The following PIK3C2G variants were observed in gnomAD, a reference collection of about 807,000 sequenced individuals.
The protein encoded by PIK3C2G is phosphatidylinositol-4-phosphate 3-kinase catalytic subunit type 2 gamma.
PIK3C2G carries 168 observed loss-of-function variants against 181.1 expected under a neutral mutation model. That is an observed-to-expected ratio of 0.93 (90% confidence interval 0.82 to 1.05). PIK3C2G has a LOEUF of 1.05. Ranked by LOEUF, PIK3C2G falls within the 50% of genes least tolerant of loss-of-function variation. The pLI, the probability that PIK3C2G is intolerant of heterozygous loss-of-function variation, is 0.00. For missense variants in PIK3C2G, 1,869 were observed against 1,732.8 expected (o/e 1.08, Z -1.40); for synonymous variants, 573 against 592.2 (o/e 0.97, Z 0.47).
At chr12:18,603,717 C>A (rs1947855401) in intron 30 of PIK3C2G, among the ~76,000 whole-genome samples, 1 of 152,022 alleles carries the variant, frequency 6.6e-6, no homozygotes, top group African/African-American at 2.4e-5. Flanking sequence ...GCCCTATATT[C>A]AGCCTCCTAA....
chr12:18,705,351 A>C, the PIK3C2G span: 6 of 1,611,354 alleles, frequency 3.7e-6, no homozygotes, highest in Non-Finnish European at 5.1e-6. Flanking sequence ...TATTCATCAA[A>C]ACTTCTAAAT....
At position 18,286,883 on chromosome 12, in the gene PIK3C2G, C is replaced by A; in HGVS notation, c.715C>A (p.Gln239Lys). ...GCSIQLVEVP[Q>K]SSNTSLASFC... ...TTCCATTCAGCTAGTGGAAGTACCT[C>A]AAAGCAGCAATACGAGTCTGGCCTC... Residue 239 changes from glutamine to lysine, a missense_variant, in exon 3 of 33, where the codon CAA becomes AAA. Physicochemically the swap from Gln to Lys is moderately conservative, Grantham distance 53 (BLOSUM62 1). Transcript: ENST00000538779. 2 of 1,574,652 alleles carry A rather than the reference C, an allele frequency of 1.3e-6. No individual in the cohort carries two copies. Among genetic ancestry groups the A allele is most frequent in the Admixed American group, 3.6e-5 (2 of 55,296 alleles).
At chr12:18,483,574 A>G (rs1939760265) in intron 18 of PIK3C2G, among the ~76,000 whole-genome samples, 2 of 152,190 alleles carry the variant, frequency 1.3e-5, no homozygotes, top group Admixed American at 1.3e-4. Flanking sequence ...TTTTATCTGA[A>G]ATATTATACT....
chr12:18,562,083 C>A (rs1268790690), intron 26 of PIK3C2G, among the ~76,000 whole-genome samples: 1 of 152,184 alleles, frequency 6.6e-6, no homozygotes, highest in East Asian at 1.9e-4. Flanking sequence ...TAATTATAAG[C>A]TGGAATTAAA....
intron 5 of PIK3C2G, among the ~76,000 whole-genome samples, chr12:18,311,535 G>GTA (rs1950637992): frequency 6.6e-6 from 1 of 151,372 alleles, no homozygotes; most frequent in Non-Finnish European, 1.5e-5. Context: ...AAAGGGGTGT[G>GTA]TGTGTGTGTG....
At chr12:18,617,456 AAG>A (rs1565567121) in intron 31 of PIK3C2G, among the ~76,000 whole-genome samples, 1 of 152,150 alleles carries the variant, frequency 6.6e-6, no homozygotes, top group African/African-American at 2.4e-5. Context: ...GTTTCACCAA[AAG>A]AGAGAAAATT....
chr12:18,452,075 G>T (rs898316912), intron 18 of PIK3C2G, among the ~76,000 whole-genome samples: 6 of 152,168 alleles, frequency 3.9e-5, no homozygotes, highest in African/African-American at 1.4e-4. Flanking sequence ...TCAGCATGAT[G>T]CTGGCCTCAT....
At chr12:18,337,391 G>T (rs1264749573) in intron 8 of PIK3C2G, among the ~76,000 whole-genome samples, 1 of 152,076 alleles carries the variant, frequency 6.6e-6, no homozygotes, top group African/African-American at 2.4e-5. Context: ...CTGCGTTGTT[G>T]ATTTTAAGAA....
At chr12:18,265,007 G>T (rs948738449) in intron 1 of PIK3C2G, among the ~76,000 whole-genome samples, 15 of 152,170 alleles carry the variant, frequency 9.9e-5, no homozygotes, top group African/African-American at 3.4e-4. Context: ...GAGTCTTCAT[G>T]ATAACATTCT....
chr12:18,576,516 A>G (rs1014879808), intron 29 of PIK3C2G, among the ~76,000 whole-genome samples: 2 of 152,234 alleles, frequency 1.3e-5, no homozygotes, highest in African/African-American at 4.8e-5. Context: ...TAATAGGGAA[A>G]CAGAGTATAA....
intron 1 of PIK3C2G, among the ~76,000 whole-genome samples, chr12:18,269,168 TC>T (rs1948639197): frequency 6.6e-6 from 1 of 152,104 alleles, no homozygotes. Context: ...TGCCTCGGCC[TC>T]CCAAAGTGCT....
intron 29 of PIK3C2G, among the ~76,000 whole-genome samples, chr12:18,582,191 A>G (rs1179421877): frequency 6.6e-6 from 1 of 152,150 alleles, no homozygotes; most frequent in African/African-American, 2.4e-5. Flanking sequence ...AGCACCTGCG[A>G]TTGAAGCATC....
rs1939705835 is a variant in PIK3C2G at position 18,346,717 on chromosome 12, T to C, written c.1506T>C (p.Tyr502=). 6.8e-6 allele frequency: 11 copies of C among 1,613,362 alleles called. No homozygotes were observed. The highest frequency in any genetic ancestry group is 8.5e-6 in the Non-Finnish European group (10 of 1,179,476). ...TCAATGTCTACTGTAACAGCTTTTA[T>C]GCAGATTTTCAGCCTGTAAATGTAC... is the stretch of plus-strand genomic sequence containing the variant. ...QLINVYCNSF[Y]ADFQPVNVPR... The change falls in exon 11 of 33, where the codon TAT becomes TAC. Residue 502 remains tyrosine (Y), a synonymous_variant. Coordinates refer to ENST00000538779, the MANE Select transcript of PIK3C2G (RefSeq NM_001288772.2).
chr12:18,624,365 A>G (rs186539608), intron 31 of PIK3C2G, among the ~76,000 whole-genome samples: 16 of 151,960 alleles, frequency 1.1e-4, no homozygotes, highest in Admixed American at 1.1e-3. Flanking sequence ...TCATCCTTGC[A>G]TCTCAGGGAT....
At chr12:18,344,574 C>T (rs1939479011) in intron 10 of PIK3C2G, among the ~76,000 whole-genome samples, 1 of 152,060 alleles carries the variant, frequency 6.6e-6, no homozygotes, top group African/African-American at 2.4e-5. Flanking sequence ...CTGATTCTCC[C>T]TTTCTATCAG....
the PIK3C2G span, among the ~76,000 whole-genome samples, chr12:18,658,019 A>C: frequency 6.6e-6 from 1 of 152,252 alleles, no homozygotes; most frequent in South Asian, 2.1e-4. Context: ...TAACCAAAAA[A>C]AAATTCTGGA....
intron 30 of PIK3C2G, among the ~76,000 whole-genome samples, chr12:18,595,213 A>G (rs1473178361): frequency 1.3e-5 from 2 of 152,044 alleles, no homozygotes. Flanking sequence ...TTTCTTTTTC[A>G]TGTTTTTGAA....
At chr12:18,561,601 A>G (rs1408004428) in intron 26 of PIK3C2G, among the ~76,000 whole-genome samples, 1 of 152,222 alleles carries the variant, frequency 6.6e-6, no homozygotes, top group African/African-American at 2.4e-5. Flanking sequence ...TACTGGAGAA[A>G]AGGGAACGAA....
At chr12:18,292,226 AAATATATATATAT>A (rs1377268857) in intron 4 of PIK3C2G, among the ~76,000 whole-genome samples, 4 of 96,406 alleles carry the variant, frequency 4.1e-5, no homozygotes, top group Admixed American at 2.7e-4. Context: ...AAAAAAAAAA[AAATATATATATAT>A]ATATATATAT....
Sources: allele counts gnomAD v4.1 joint callset (sites outside exome capture counted in the v4.1 genomes callset), GRCh38; gene constraint gnomAD v4.1.1; transcripts MANE v1.5; gene names NCBI Gene and HGNC (gene_info 2026-07-23, HGNC 2026-07-21).